The following DRC9 variants were observed in gnomAD, a reference collection of about 807,000 sequenced individuals.
The protein encoded by DRC9 is dynein regulatory complex subunit 9, also known as dynein regulatory complex protein 9.
At chr3:197,920,690 AT>A in the DRC9 span, among the ~76,000 whole-genome samples, 8 of 152,032 alleles carry the variant, frequency 5.3e-5, no homozygotes, top group African/African-American at 1.9e-4. Context: ...TAAATTTTCA[AT>A]TTTCTATTCT....
the DRC9 span, among the ~76,000 whole-genome samples, chr3:197,919,104 G>A: frequency 6.2e-4 from 94 of 152,198 alleles, no homozygotes; most frequent in Non-Finnish European, 1.0e-3. Flanking sequence ...CACCATGCCC[G>A]GCCAATGTAA....
chr3:197,932,885 G>A, the DRC9 span, among the ~76,000 whole-genome samples: 1 of 135,868 alleles, frequency 7.4e-6, no homozygotes, highest in Non-Finnish European at 1.5e-5. Context: ...TATTATATAT[G>A]TATAATATAT....
the DRC9 span, among the ~76,000 whole-genome samples, chr3:197,895,639 T>C: frequency 6.6e-6 from 1 of 152,172 alleles, no homozygotes; most frequent in South Asian, 2.1e-4. Context: ...AAAATCTTAA[T>C]TTAAAATGAA....
chr3:197,915,617 C>A, the DRC9 span, among the ~76,000 whole-genome samples: 1 of 152,078 alleles, frequency 6.6e-6, no homozygotes, highest in African/African-American at 2.4e-5. Context: ...TAGATACCAA[C>A]CGCCTTTCTT....
chr3:197,925,879 C>T, the DRC9 span: 2 of 634,094 alleles, frequency 3.2e-6, no homozygotes, highest in Non-Finnish European at 5.7e-6. Context: ...CCACCGTGCC[C>T]GGCTATGTTT....
the DRC9 span, chr3:197,954,522 T>C: frequency 3.0e-6 from 1 of 336,894 alleles, no homozygotes; most frequent in Non-Finnish European, 5.7e-6. Context: ...TTTGTTGTGT[T>C]TTTTTGAGAC....
At chr3:197,911,645 A>AT in the DRC9 span, among the ~76,000 whole-genome samples, 443 of 147,438 alleles carry the variant, frequency 3.0e-3, no homozygotes, top group Non-Finnish European at 4.4e-3. Context: ...AGATTAGTAA[A>AT]TTTTTTTTTT....
chr3:197,931,697 T>A, the DRC9 span, among the ~76,000 whole-genome samples: 1 of 151,896 alleles, frequency 6.6e-6, no homozygotes, highest in Admixed American at 6.6e-5. Flanking sequence ...AAGCTCTGCC[T>A]CACTACAAGC....
chr3:197,906,747 T>C, the DRC9 span: 1 of 152,426 alleles, frequency 6.6e-6, no homozygotes, highest in East Asian at 1.9e-4. Flanking sequence ...GAGTTCATTC[T>C]TTGGGGGAAA....
chr3:197,897,864 G>A, the DRC9 span, among the ~76,000 whole-genome samples: 4 of 147,918 alleles, frequency 2.7e-5, 1 homozygote, highest in South Asian at 4.3e-4. Context: ...TCCGCCTCCC[G>A]GGTTCATGCC....
the DRC9 span, chr3:197,952,531 G>C: frequency 7.9e-5 from 12 of 151,290 alleles, no homozygotes; most frequent in African/African-American, 2.9e-4. Context: ...TTTTGCTCTT[G>C]TTATCCAGGC....
the DRC9 span, among the ~76,000 whole-genome samples, chr3:197,910,982 C>CAAAAAAAAAAAAAA: frequency 4.9e-5 from 3 of 61,500 alleles, no homozygotes; most frequent in Non-Finnish European, 7.1e-5. Context: ...AAAAACAAAA[C>CAAAAAAAAAAAAAA]AAAAAAAAAA....
At chr3:197,917,626 A>T in the DRC9 span, among the ~76,000 whole-genome samples, 1 of 152,124 alleles carries the variant, frequency 6.6e-6, no homozygotes, top group Non-Finnish European at 1.5e-5. Context: ...ATGCTCAATA[A>T]ATGTTGATGA....
At chr3:197,912,102 G>A in the DRC9 span, among the ~76,000 whole-genome samples, 5 of 151,594 alleles carry the variant, frequency 3.3e-5, no homozygotes, top group South Asian at 2.1e-4. Flanking sequence ...GTACGGTGGC[G>A]TGATCTCAGC....
chr3:197,927,111 A>T, the DRC9 span, among the ~76,000 whole-genome samples: 2 of 152,372 alleles, frequency 1.3e-5, no homozygotes, highest in Admixed American at 1.3e-4. Context: ...ATTTAGGTTT[A>T]AAACAAACAA....
At chr3:197,900,301 G>A in the DRC9 span, among the ~76,000 whole-genome samples, 13,925 of 152,290 alleles carry the variant, frequency 0.091, 713 homozygotes, top group South Asian at 0.11. This position sits in a 1 kb window ranked among gnomAD's most constrained non-coding sequence, Gnocchi z 4.7. Flanking sequence ...GGTTAAGGGA[G>A]TGCTTGTGTC....
chr3:197,952,884 G>C, the DRC9 span, among the ~76,000 whole-genome samples: 1 of 151,610 alleles, frequency 6.6e-6, no homozygotes, highest in Non-Finnish European at 1.5e-5. Flanking sequence ...CCAGGCTGGA[G>C]TGCAGTGGTG....
chr3:197,926,392 T>C, the DRC9 span, among the ~76,000 whole-genome samples: 1 of 152,152 alleles, frequency 6.6e-6, no homozygotes, highest in Admixed American at 6.6e-5. Flanking sequence ...TAAAAATAGC[T>C]GCTGCTGAGA....
the DRC9 span, chr3:197,954,164 G>A: frequency 1.2e-6 from 2 of 1,613,818 alleles, no homozygotes; most frequent in East Asian, 2.2e-5. Context: ...ATGGTTTTTA[G>A]CAAAATGGAC....
Sources: allele counts gnomAD v4.1 joint callset (sites outside exome capture counted in the v4.1 genomes callset), GRCh38; gene constraint gnomAD v4.1.1; non-coding constraint Gnocchi (gnomAD v3.1); transcripts MANE v1.5; gene names NCBI Gene and HGNC (gene_info 2026-07-23, HGNC 2026-07-21).